LIPA: variants seen among roughly 807,000 people sequenced by gnomAD.
The protein encoded by LIPA is lysosomal acid lipase/cholesteryl ester hydrolase.
LIPA carries 26 observed loss-of-function variants against 40.6 expected under a neutral mutation model. That is an observed-to-expected ratio of 0.64 (90% confidence interval 0.47 to 0.89). The LOEUF (loss-of-function observed/expected upper bound fraction) is 0.89, where lower values mean the gene tolerates loss of function less well. LIPA is among the 40% of genes least tolerant of loss of function. The pLI is 0.00. For missense variants in LIPA, 455 were observed against 479.6 expected (o/e 0.95, Z 0.48); for synonymous variants, 188 against 168.4 (o/e 1.12, Z -0.90).
chr10:89,244,468 A>G (rs954851316), intron 3 of LIPA, among the ~76,000 whole-genome samples: 5 of 152,158 alleles, frequency 3.3e-5, no homozygotes, highest in African/African-American at 1.2e-4. Context: ...TCCAGAAACA[A>G]AAAAATGTTA....
chr10:89,276,023 T>C (rs763510041), intron 1 of LIPA, among the ~76,000 whole-genome samples: 3 of 152,182 alleles, frequency 2.0e-5, no homozygotes, highest in Admixed American at 1.3e-4. Context: ...TTCTACTCCA[T>C]AGTATAATTT....
intron 1 of LIPA, chr10:89,332,614 A>G (rs1843666774): frequency 1.9e-6 from 3 of 1,614,024 alleles, no homozygotes; most frequent in Non-Finnish European, 2.5e-6. Flanking sequence ...CTGCAGGGAA[A>G]CAGCCATCAT....
rs768826988 is a variant in LIPA at position 89,215,003 on chromosome 10, C to A, written c.1025G>T (p.Gly342Val). The change falls in exon 10 of 10, where the codon GGG becomes GTG. Residue 342 changes from glycine (G) to valine (V), a missense_variant. Transcript: ENST00000336233. ...GACATCTGCAAGCCAGTCGTGACCC[C>A]CGCTCCAGACTGCAGTCGGCACAAG... The part of the protein sequence containing the change: ...DMLVPTAVWS[G>V]GHDWLADVYD... 6.2e-7 allele frequency: 1 copy of A among 1,614,166 alleles called. No homozygotes were observed. Among genetic ancestry groups the A allele is most frequent in the South Asian group, 1.1e-5 (1 of 91,088 alleles).
intron 1 of LIPA, among the ~76,000 whole-genome samples, chr10:89,298,802 A>G (rs1195365444): frequency 6.6e-6 from 1 of 152,088 alleles, no homozygotes; most frequent in Non-Finnish European, 1.5e-5. Flanking sequence ...CCTGGCCAAC[A>G]TAGTGAAAAC....
intron 8 of LIPA, among the ~76,000 whole-genome samples, chr10:89,216,919 GCA>G (rs1298588434): frequency 2.6e-5 from 4 of 152,116 alleles, no homozygotes; most frequent in Non-Finnish European, 5.9e-5. Flanking sequence ...AAGTAGTACT[GCA>G]TGCCAGCACA....
At chr10:89,216,989 T>A in intron 8 of LIPA, among the ~76,000 whole-genome samples, 1 of 152,222 alleles carries the variant, frequency 6.6e-6, no homozygotes, top group Admixed American at 6.5e-5. Context: ...GAAATTTACA[T>A]TTATTCATAT....
chr10:89,261,825 T>C (rs1203976802), intron 1 of LIPA, among the ~76,000 whole-genome samples: 1 of 152,190 alleles, frequency 6.6e-6, no homozygotes, highest in East Asian at 1.9e-4. Flanking sequence ...AGAAATTCTG[T>C]CTCTCTATTG....
At chr10:89,266,272 T>C (rs1843235816) in intron 1 of LIPA, among the ~76,000 whole-genome samples, 1 of 152,148 alleles carries the variant, frequency 6.6e-6, no homozygotes, top group Non-Finnish European at 1.5e-5. Context: ...TGATATGTCT[T>C]TTTTTATGTA....
intron 1 of LIPA, among the ~76,000 whole-genome samples, chr10:89,249,547 A>G (rs1843084268): frequency 1.3e-5 from 2 of 152,228 alleles, no homozygotes; most frequent in Non-Finnish European, 2.9e-5. Flanking sequence ...GTATATACCT[A>G]CTACTCAGCT....
At chr10:89,402,989 G>A (rs1844460490) in intron 2 of LIPA, 1 of 1,614,124 alleles carries the variant, frequency 6.2e-7, no homozygotes, top group Non-Finnish European at 8.5e-7. Context: ...AAGGAGAAAA[G>A]TACATTGAAG....
chr10:89,369,902 C>T (rs1269127644), intron 2 of LIPA, among the ~76,000 whole-genome samples: 1 of 152,160 alleles, frequency 6.6e-6, no homozygotes, highest in Non-Finnish European at 1.5e-5. Context: ...GGTCACTGTG[C>T]CCAGAAAATG....
chr10:89,392,354 G>C (rs917286308), intron 2 of LIPA, among the ~76,000 whole-genome samples: 2 of 152,120 alleles, frequency 1.3e-5, no homozygotes, highest in Non-Finnish European at 2.9e-5. Context: ...CTTTAGGGAG[G>C]ACGTGAATCT....
At chr10:89,260,886 G>C (rs2133486288) in intron 1 of LIPA, among the ~76,000 whole-genome samples, 1 of 152,300 alleles carries the variant, frequency 6.6e-6, no homozygotes, top group Non-Finnish European at 1.5e-5. Context: ...GGACGCTCCA[G>C]GCTTTGACCC....
chr10:89,394,570 A>T (rs1844305599), intron 2 of LIPA, among the ~76,000 whole-genome samples: 1 of 134,004 alleles, frequency 7.5e-6, no homozygotes, highest in African/African-American at 2.9e-5. Context: ...AATATGTACT[A>T]CAGGAAAATA....
intron 1 of LIPA, among the ~76,000 whole-genome samples, chr10:89,274,823 T>C (rs909529641): frequency 6.6e-6 from 1 of 152,206 alleles, no homozygotes; most frequent in African/African-American, 2.4e-5. Flanking sequence ...TTCTTCCTCC[T>C]ATAACACACA....
At chr10:89,317,483 T>C (rs555866089) in intron 1 of LIPA, among the ~76,000 whole-genome samples, 9 of 152,168 alleles carry the variant, frequency 5.9e-5, no homozygotes, top group Admixed American at 4.6e-4. Context: ...GAAGATCAAA[T>C]GAATGAAATG....
chr10:89,242,979 GGT>G (rs1188157412), intron 3 of LIPA, among the ~76,000 whole-genome samples: 1 of 152,110 alleles, frequency 6.6e-6, no homozygotes, highest in Admixed American at 6.6e-5. Flanking sequence ...ATTTAACGTG[GGT>G]GGCCTAGAGA....
At chr10:89,340,735 C>T (rs1843857917) in intron 1 of LIPA, 1 of 152,156 alleles carries the variant, frequency 6.6e-6, no homozygotes, top group Admixed American at 6.5e-5. Context: ...CATTCCTGCC[C>T]TCCCTGCCAA....
intron 1 of LIPA, among the ~76,000 whole-genome samples, chr10:89,289,857 C>T (rs1843362890): frequency 6.6e-6 from 1 of 152,160 alleles, no homozygotes; most frequent in South Asian, 2.1e-4. Context: ...TACCTCTCCC[C>T]AGCTATCTCC....
Sources: gnomAD v4.1 joint callset for allele counts (sites outside exome capture counted in the v4.1 genomes callset) on GRCh38, gnomAD v4.1.1 for gene constraint, MANE v1.5 for transcripts, NCBI Gene and HGNC (gene_info 2026-07-23, HGNC 2026-07-21) for gene names.